RANBP17: variants seen among roughly 807,000 people sequenced by gnomAD.
RANBP17 encodes the protein RAN binding protein 17.
A neutral mutation model predicts 141.2 loss-of-function variants in RANBP17; 158 were observed. The observed-to-expected ratio is 1.12, with a 90% confidence interval of 0.98 to 1.28. RANBP17 has a LOEUF of 1.28. Among genes scored for constraint, RANBP17 ranks in the 50% most tolerant of loss-of-function variants. The probability of loss-of-function intolerance (pLI) is 0.00; values close to 1 mark genes in which losing one functional copy is unlikely to be tolerated. For missense variants in RANBP17, 1,438 were observed against 1,290.7 expected (o/e 1.11, Z -1.75); for synonymous variants, 430 against 450.0 (o/e 0.96, Z 0.56).
intron 14 of RANBP17, among the ~76,000 whole-genome samples, chr5:170,971,639 T>TAAAGAAGAATGACATTG (rs1432832280): frequency 6.6e-6 from 1 of 152,196 alleles, no homozygotes; most frequent in Non-Finnish European, 1.5e-5. Flanking sequence ...TCCCATATTT[T>TAAAGAAGAATGACATTG]AAAGAAGAAT....
Position 170,953,680 on chromosome 5 carries a change from A to G in RANBP17, c.1552A>G (p.Met518Val), listed in dbSNP as rs531655042. ...TYTSTDEHDAMDGELSCRVFQ... is the reference protein window; with the variant it reads ...TYTSTDEHDAVDGELSCRVFQ... The stretch of plus-strand genomic sequence containing the variant: ...TACCAGTACAGATGAGCATGATGCT[A>G]TGGATGGAGAATTATCCTGTCGGTA... The change falls in exon 13 of 28, where the codon ATG becomes GTG. Residue 518 changes from methionine (M) to valine (V), a missense_variant. By Grantham distance (21) the Met-to-Val change is conservative. Coordinates refer to ENST00000523189, the MANE Select transcript of RANBP17 (RefSeq NM_022897.5). 1.6e-5 allele frequency: 26 copies of G among 1,605,066 alleles called. No homozygotes were observed. Among genetic ancestry groups the G allele is most frequent in the African/African-American group, 2.7e-5 (2 of 74,852 alleles).
chr5:171,111,408 TTTCTTTTCCC>T (rs1755222561), intron 14 of RANBP17, among the ~76,000 whole-genome samples: 1 of 152,154 alleles, frequency 6.6e-6, no homozygotes, highest in African/African-American at 2.4e-5. Context: ...CCTTTGCTTT[TTTCTTTTCCC>T]TTCTGCCACA....
chr5:171,149,777 G>T (rs780334788), intron 14 of RANBP17, among the ~76,000 whole-genome samples: 1 of 152,128 alleles, frequency 6.6e-6, no homozygotes, highest in Non-Finnish European at 1.5e-5. Context: ...TATGGAACGT[G>T]TCTTACTTGT....
chr5:170,897,924 C>T (rs1770276256), intron 5 of RANBP17, among the ~76,000 whole-genome samples: 1 of 152,138 alleles, frequency 6.6e-6, no homozygotes, highest in African/African-American at 2.4e-5. Flanking sequence ...GGTATATACC[C>T]AGTAATGGGA....
At chr5:171,095,940 AATC>A (rs1786655638) in intron 14 of RANBP17, among the ~76,000 whole-genome samples, 1 of 152,178 alleles carries the variant, frequency 6.6e-6, no homozygotes, top group Non-Finnish European at 1.5e-5. Context: ...GTAGGGGAAA[AATC>A]ATGAAGAGAA....
chr5:171,115,731 G>T lies in RANBP17; in HGVS notation c.1711-54399G>T, dbSNP rs1220202960. Among the ~76,000 whole-genome samples, 3 of 152,084 alleles carry T rather than the reference G, an allele frequency of 2.0e-5. No homozygotes were observed. The East Asian group carries it at 5.8e-4, about 29-fold the overall frequency. ...GGTATTTCACAGGAAAGGGGAAGTG[G>T]GACTCCCGTGTGGTAAATATCGTTA... On this transcript the variant is annotated intron_variant, in intron 14 of 27. Coordinates refer to ENST00000523189, the MANE Select transcript of RANBP17 (RefSeq NM_022897.5).
At chr5:171,277,620 C>T (rs1260961040) in intron 25 of RANBP17, among the ~76,000 whole-genome samples, 1 of 18,740 alleles carries the variant, frequency 5.3e-5, no homozygotes, top group Non-Finnish European at 1.2e-4. Context: ...AAGTGCCTTA[C>T]GTATACATAT....
chr5:171,246,815 A>C (rs946518394), intron 24 of RANBP17, among the ~76,000 whole-genome samples: 1 of 152,222 alleles, frequency 6.6e-6, no homozygotes, highest in African/African-American at 2.4e-5. Flanking sequence ...GACCATGGGC[A>C]CATGTGGTGT....
intron 24 of RANBP17, among the ~76,000 whole-genome samples, chr5:171,257,810 T>C (rs1766001146): frequency 6.6e-6 from 1 of 151,988 alleles, no homozygotes; most frequent in African/African-American, 2.4e-5. Context: ...ATAATAGCTA[T>C]AAAATACCTA....
intron 12 of RANBP17, among the ~76,000 whole-genome samples, chr5:170,939,404 A>T (rs151201821): frequency 1.2e-4 from 17 of 145,672 alleles, no homozygotes; most frequent in South Asian, 2.2e-4. Flanking sequence ...TATTTATTTA[A>T]GATGCAGTCT....
Position 171,183,217 on chromosome 5 carries a change from T to C in RANBP17, c.1916T>C (p.Leu639Pro), listed in dbSNP as rs748625101. The change falls in exon 17 of 28, where the codon CTA becomes CCA. Residue 639 changes from leucine to proline, a missense_variant. Leu to Pro is a moderately conservative substitution (Grantham distance 98). Transcript: ENST00000523189. ...LVKIDAVKFMLKNHTSEHFPF... is the reference protein window; with the variant it reads ...LVKIDAVKFMPKNHTSEHFPF... ...AAGATAGATGCTGTGAAATTCATGC[T>C]AAAAAACCACACGGTAAGTCTTATT... 1.9e-6 allele frequency: 3 copies of C among 1,598,604 alleles called. No individual in the cohort carries two copies. The highest frequency in any genetic ancestry group is 3.3e-5 in the Admixed American group (2 of 60,004).
chr5:171,097,650 ATT>A (rs569319999), intron 14 of RANBP17, among the ~76,000 whole-genome samples: 11 of 142,268 alleles, frequency 7.7e-5, no homozygotes, highest in African/African-American at 3.0e-4. Flanking sequence ...TATTATTATT[ATT>A]ATACTTTAAG....
intron 14 of RANBP17, among the ~76,000 whole-genome samples, chr5:171,016,228 T>C (rs966345804): frequency 6.6e-6 from 1 of 151,392 alleles, no homozygotes; most frequent in East Asian, 1.9e-4. Context: ...TGTTGTTTCA[T>C]ATATTTAAAG....
At chr5:171,291,246 C>T (rs1768475724) in intron 25 of RANBP17, among the ~76,000 whole-genome samples, 1 of 152,200 alleles carries the variant, frequency 6.6e-6, no homozygotes. Flanking sequence ...GGGCCCTTTC[C>T]TGGTATGGCA....
chr5:170,899,730 G>T (rs1770461757), intron 5 of RANBP17, among the ~76,000 whole-genome samples: 1 of 151,312 alleles, frequency 6.6e-6, no homozygotes, highest in African/African-American at 2.4e-5. Flanking sequence ...TAGCCTGAAG[G>T]GTTGAATTTT....
intron 14 of RANBP17, among the ~76,000 whole-genome samples, chr5:171,113,725 G>T (rs548832385): frequency 6.6e-6 from 1 of 152,176 alleles, no homozygotes; most frequent in Non-Finnish European, 1.5e-5. Flanking sequence ...TTTAACTTCT[G>T]TGCCAGGAGG....
At chr5:171,251,877 A>ATCT in intron 24 of RANBP17, 1 of 1,484,704 alleles carries the variant, frequency 6.7e-7, no homozygotes, top group South Asian at 1.1e-5. Flanking sequence ...ATGCTTCGGC[A>ATCT]TTAGAGAAGG....
rs1261612131 is a variant in RANBP17 at position 171,183,440 on chromosome 5, A to G, written c.2038+10A>G. On this transcript the variant is annotated intron_variant, in intron 18 of 27. Transcript: ENST00000523189. The stretch of plus-strand genomic sequence containing the variant: ...CTGATGGTAGATCTGGGTAAGGTTA[A>G]GAATTTAAACTCAATTAATAAGGGA... The G allele has an allele frequency of 6.3e-7, 1 of 1,585,544 alleles. No individual in the cohort carries two copies. The highest frequency in any genetic ancestry group is 1.1e-5 in the South Asian group (1 of 90,368).
intron 14 of RANBP17, among the ~76,000 whole-genome samples, chr5:171,090,108 A>G (rs960873558): frequency 6.6e-6 from 1 of 152,194 alleles, no homozygotes; most frequent in Admixed American, 6.5e-5. Flanking sequence ...AGAGACTGAA[A>G]CAGTTTTGAG....
Sources: allele counts gnomAD v4.1 joint callset (sites outside exome capture counted in the v4.1 genomes callset), GRCh38; gene constraint gnomAD v4.1.1; transcripts MANE v1.5; gene names NCBI Gene and HGNC (gene_info 2026-07-23, HGNC 2026-07-21).